The following TBC1D5 variants were observed in gnomAD, a reference collection of about 807,000 sequenced individuals.
The protein encoded by TBC1D5 is TBC1 domain family, member 5.
A neutral mutation model predicts 100.3 loss-of-function variants in TBC1D5; 75 were observed. That is an observed-to-expected ratio of 0.75 (90% confidence interval 0.62 to 0.91). TBC1D5 has a LOEUF of 0.91. Among genes scored for constraint, TBC1D5 ranks in the 40% least tolerant of loss-of-function variants. The pLI is 0.00. For missense variants in TBC1D5, 910 were observed against 942.4 expected (o/e 0.97, Z 0.45); for synonymous variants, 323 against 325.6 (o/e 0.99, Z 0.09).
chr3:17,280,998 T>A lies in TBC1D5; in HGVS notation c.1245+10897A>T, dbSNP rs930546565. Among the ~76,000 whole-genome samples the A allele has an allele frequency of 2.6e-5, 4 of 152,144 alleles. 1 individual carries two copies. Among genetic ancestry groups the A allele is most frequent in the Admixed American group, 2.6e-4 (4 of 15,278 alleles). ...CACTCACCCCGGCTCCTGCAAGTGC[T>A]CCCTCCCGCAAGGGGTTGAGTGCAA... On this transcript the variant is annotated intron_variant, in intron 15 of 21. Transcript: ENST00000253692.
At chr3:17,312,201 A>G (rs1405394926) in intron 13 of TBC1D5, among the ~76,000 whole-genome samples, 4 of 152,068 alleles carry the variant, frequency 2.6e-5, no homozygotes, top group Non-Finnish European at 5.9e-5. Context: ...GTCACAAGCC[A>G]TTCTCATATT....
intron 2 of TBC1D5, among the ~76,000 whole-genome samples, chr3:17,595,047 A>G (rs561523422): frequency 6.6e-6 from 1 of 152,250 alleles, no homozygotes; most frequent in African/African-American, 2.4e-5. Context: ...AGAAAAGTGT[A>G]AAAAGAGAGA....
At chr3:17,574,648 G>T (rs944173255) in intron 2 of TBC1D5, among the ~76,000 whole-genome samples, 3 of 151,862 alleles carry the variant, frequency 2.0e-5, no homozygotes, top group Non-Finnish European at 2.9e-5. Flanking sequence ...TTGTTCTTTC[G>T]GATTTATTTT....
At chr3:17,558,529 T>C (rs1413463725) in intron 2 of TBC1D5, among the ~76,000 whole-genome samples, 1 of 152,110 alleles carries the variant, frequency 6.6e-6, no homozygotes, top group Admixed American at 6.5e-5. Flanking sequence ...CATGAACAGG[T>C]TGAATTCATA....
intron 1 of TBC1D5, among the ~76,000 whole-genome samples, chr3:17,627,598 A>G (rs1374349987): frequency 6.6e-6 from 1 of 152,068 alleles, no homozygotes; most frequent in East Asian, 1.9e-4. Flanking sequence ...TTTACCCAAC[A>G]TTGTTAAACA....
At chr3:17,558,614 G>C (rs770827410) in intron 2 of TBC1D5, among the ~76,000 whole-genome samples, 1 of 152,162 alleles carries the variant, frequency 6.6e-6, no homozygotes, top group Non-Finnish European at 1.5e-5. Flanking sequence ...GATTAAATGG[G>C]AGTGAGAAAG....
At chr3:17,254,403 T>C (rs1445237493) in intron 16 of TBC1D5, among the ~76,000 whole-genome samples, 1 of 152,234 alleles carries the variant, frequency 6.6e-6, no homozygotes, top group Non-Finnish European at 1.5e-5. Context: ...TTTTATTTTA[T>C]CCATTATAGT....
chr3:17,718,599 AAAAAT>A (rs531697711), intron 1 of TBC1D5, among the ~76,000 whole-genome samples: 86 of 152,268 alleles, frequency 5.6e-4, no homozygotes, highest in Non-Finnish European at 9.7e-4. Flanking sequence ...TCCAACTCAA[AAAAAT>A]AAAATAAAAT....
chr3:17,629,311 T>C (rs1328015428), intron 1 of TBC1D5, among the ~76,000 whole-genome samples: 1 of 152,218 alleles, frequency 6.6e-6, no homozygotes, highest in Non-Finnish European at 1.5e-5. Context: ...CTTTGATTAA[T>C]GTAGTATAAT....
rs898465940 is a variant in TBC1D5, at chr3:17,632,747, CT to C, written c.-100-8835del. Among the ~76,000 whole-genome samples, 33 of 151,900 alleles carry C rather than the reference CT, an allele frequency of 2.2e-4. 1 individual carries two copies. The highest frequency in any genetic ancestry group is 4.3e-4 in the Non-Finnish European group (29 of 67,984). The stretch of plus-strand genomic sequence containing the variant: ...TCGTTCACATTTTTTAGCATGAAGG[CT>C]TTTTTTTAAAATTAAGGTATGTACG... On this transcript the variant is annotated intron_variant, in intron 1 of 21. Transcript: ENST00000253692.
intron 17 of TBC1D5, 53 bp from the exon 18 acceptor site, chr3:17,233,803 T>C (rs1576167609): frequency 8.4e-7 from 1 of 1,183,728 alleles, no homozygotes; most frequent in African/African-American, 1.5e-5. Context: ...AATAATCAAC[T>C]TCACTTTTCT....
At chr3:17,187,413 C>G (rs931361694) in intron 18 of TBC1D5, among the ~76,000 whole-genome samples, 1 of 152,158 alleles carries the variant, frequency 6.6e-6, no homozygotes, top group African/African-American at 2.4e-5. Context: ...AAAGAGGGCA[C>G]ATGAGAAGCT....
intron 14 of TBC1D5, 104 bp from the exon 15 acceptor site, chr3:17,292,105 A>AT: frequency 1.1e-6 from 1 of 923,038 alleles, no homozygotes; most frequent in Middle Eastern, 2.9e-4. Context: ...AAGCAAACCA[A>AT]TAACTCAACT....
intron 17 of TBC1D5, among the ~76,000 whole-genome samples, chr3:17,224,262 C>A (rs1313947255): frequency 6.6e-6 from 1 of 152,078 alleles, no homozygotes; most frequent in Non-Finnish European, 1.5e-5. Context: ...TGTGGAGCTA[C>A]CATAAATGTT....
intron 1 of TBC1D5, among the ~76,000 whole-genome samples, chr3:17,698,590 A>G (rs1346263515): frequency 1.3e-5 from 2 of 148,236 alleles, no homozygotes; most frequent in East Asian, 2.0e-4. Context: ...AGAAACTACC[A>G]TCAGAGTGAA....
At chr3:17,158,149 A>G (rs1358913217) in exon 22 of TBC1D5, 2 of 152,248 alleles carry the variant, frequency 1.3e-5, no homozygotes, top group African/African-American at 2.4e-5. Context: ...TGTAACTCTC[A>G]CACGTAATGT....
At chr3:17,311,050 T>C (rs1449341654) in intron 13 of TBC1D5, among the ~76,000 whole-genome samples, 1 of 152,014 alleles carries the variant, frequency 6.6e-6, no homozygotes, top group Non-Finnish European at 1.5e-5. Context: ...AATGAGTTAG[T>C]AATAGAAATT....
At chr3:17,685,709 C>T (rs1247253740) in intron 1 of TBC1D5, among the ~76,000 whole-genome samples, 2 of 152,000 alleles carry the variant, frequency 1.3e-5, no homozygotes, top group East Asian at 3.9e-4. Flanking sequence ...AATACAACTG[C>T]CTTGATATTA....
chr3:17,431,178 T>C (rs553301757), intron 3 of TBC1D5, among the ~76,000 whole-genome samples: 1 of 152,098 alleles, frequency 6.6e-6, no homozygotes, highest in Admixed American at 6.5e-5. Flanking sequence ...GAGAGTTTAC[T>C]ATGATGTTTT....
Sources: allele counts gnomAD v4.1 joint callset (sites outside exome capture counted in the v4.1 genomes callset), GRCh38; gene constraint gnomAD v4.1.1; transcripts MANE v1.5; gene names NCBI Gene and HGNC (gene_info 2026-07-23, HGNC 2026-07-21).